Variants in ZFAND3 observed in about 807,000 individuals in gnomAD.
ZFAND3 encodes AN1-type zinc finger protein 3.
In ZFAND3, 10 loss-of-function variants were observed where a neutral mutation model predicts 29.6. That is an observed-to-expected ratio of 0.34 (90% CI 0.21 to 0.57). The LOEUF is 0.57. Among genes scored for constraint, ZFAND3 ranks in the 20% least tolerant of loss-of-function variants. ZFAND3 has a pLI of 0.86. For missense variants in ZFAND3, 230 were observed against 304.5 expected (o/e 0.76, Z 1.82); for synonymous variants, 128 against 112.6 (o/e 1.14, Z -0.87).
At chr6:38,029,760 A>T (rs572423776) in intron 2 of ZFAND3, among the ~76,000 whole-genome samples, 1 of 152,264 alleles carries the variant, frequency 6.6e-6, no homozygotes, top group South Asian at 2.1e-4. Context: ...GTTGGTGAGG[A>T]TGTGAAGTAA....
At position 38,021,743 on chromosome 6, in the gene ZFAND3, T is replaced by C. The variant is rs542401902; in HGVS notation, c.113-39850T>C. 1.8e-4 allele frequency among the ~76,000 whole-genome samples: 28 copies of C among 152,310 alleles called. No homozygotes were observed. In the South Asian group the frequency reaches 3.3e-3, roughly 18 times the overall value. ...AAGGTAAAATAGAGCAGGGCTGCTG[T>C]TATATAACCTTAGATTTCCTGGCTT... On this transcript the variant is annotated intron_variant, in intron 2 of 5. Coordinates refer to ENST00000287218, the MANE Select transcript of ZFAND3 (RefSeq NM_021943.3).
chr6:37,972,631 T>A (rs1237006148), intron 2 of ZFAND3, among the ~76,000 whole-genome samples: 1 of 152,186 alleles, frequency 6.6e-6, no homozygotes, highest in East Asian at 1.9e-4. Context: ...ATTAGCAGAT[T>A]GATAGTTGGA....
intron 1 of ZFAND3, among the ~76,000 whole-genome samples, chr6:37,891,462 T>C (rs1057234025): frequency 2.8e-5 from 4 of 141,792 alleles, no homozygotes; most frequent in African/African-American, 1.1e-4. Context: ...GGTGTGGCAG[T>C]GCATGCCATG....
chr6:38,038,027 T>C (rs537056444), intron 2 of ZFAND3, among the ~76,000 whole-genome samples: 3 of 152,240 alleles, frequency 2.0e-5, no homozygotes, highest in East Asian at 1.9e-4. Context: ...AACAGAGAGA[T>C]TGGAGGGTAA....
chr6:38,150,673 T>C (rs1279139972), intron 5 of ZFAND3, among the ~76,000 whole-genome samples: 2 of 152,244 alleles, frequency 1.3e-5, no homozygotes, highest in South Asian at 2.1e-4. Flanking sequence ...AAGCACAGCC[T>C]CTACATCTCT....
chr6:37,830,405 G>T (rs1436163819), intron 1 of ZFAND3, among the ~76,000 whole-genome samples: 1 of 152,210 alleles, frequency 6.6e-6, no homozygotes, highest in Admixed American at 6.5e-5. Context: ...AAAGGTGGTG[G>T]TTAGGGTGAA....
chr6:38,001,846 G>C (rs1012590818), intron 2 of ZFAND3, among the ~76,000 whole-genome samples: 2 of 152,156 alleles, frequency 1.3e-5, no homozygotes, highest in African/African-American at 4.8e-5. Context: ...GGAGTAAAAA[G>C]TAGTTGCACA....
chr6:38,134,739 C>T (rs180788858), intron 5 of ZFAND3, among the ~76,000 whole-genome samples: 1 of 152,184 alleles, frequency 6.6e-6, no homozygotes, highest in African/African-American at 2.4e-5. Flanking sequence ...CATGACAGCC[C>T]TTACTCCTCA....
intron 1 of ZFAND3, among the ~76,000 whole-genome samples, chr6:37,881,286 A>G (rs1262518486): frequency 6.6e-6 from 1 of 152,146 alleles, no homozygotes; most frequent in East Asian, 1.9e-4. Context: ...GGGTTTCCGT[A>G]TGTTGACCAG....
At chr6:38,046,998 G>A (rs1399692248) in intron 2 of ZFAND3, among the ~76,000 whole-genome samples, 1 of 152,022 alleles carries the variant, frequency 6.6e-6, no homozygotes, top group Non-Finnish European at 1.5e-5. Context: ...TACTGATCTA[G>A]TATTATAATT....
intron 5 of ZFAND3, among the ~76,000 whole-genome samples, chr6:38,138,687 G>A (rs1765890423): frequency 6.6e-6 from 1 of 152,216 alleles, no homozygotes; most frequent in African/African-American, 2.4e-5. Flanking sequence ...TCAGTGTGAG[G>A]AGTAAGGAAA....
intron 2 of ZFAND3, among the ~76,000 whole-genome samples, chr6:37,996,107 C>T (rs960617119): frequency 2.7e-5 from 4 of 150,038 alleles, no homozygotes; most frequent in Admixed American, 6.7e-5. Flanking sequence ...CCAGCCTGGG[C>T]TACAAGAGCG....
chr6:38,064,020 A>G (rs1018634243), intron 3 of ZFAND3, among the ~76,000 whole-genome samples: 2 of 152,174 alleles, frequency 1.3e-5, no homozygotes, highest in Non-Finnish European at 2.9e-5. Flanking sequence ...GTTTTAAAAA[A>G]TCTTTTCAAG....
At chr6:37,820,082 G>A in intron 1 of ZFAND3, 66 bp downstream of exon 1, 1 of 1,160,570 alleles carries the variant, frequency 8.6e-7, no homozygotes, top group South Asian at 4.2e-5. Flanking sequence ...GGCAGCCTGG[G>A]CAGGCCTCGG....
intron 5 of ZFAND3, among the ~76,000 whole-genome samples, chr6:38,123,353 C>T (rs935746396): frequency 6.6e-6 from 1 of 152,182 alleles, no homozygotes; most frequent in South Asian, 2.1e-4. Context: ...GAAATCAGCC[C>T]ACGTGTCTGT....
At chr6:38,028,862 T>G (rs181814585) in intron 2 of ZFAND3, among the ~76,000 whole-genome samples, 9 of 152,302 alleles carry the variant, frequency 5.9e-5, no homozygotes, top group Non-Finnish European at 7.4e-5. Flanking sequence ...CCTTTCTTTG[T>G]GAAGCAAGGC....
intron 2 of ZFAND3, among the ~76,000 whole-genome samples, chr6:38,028,870 G>A (rs1339735045): frequency 6.6e-6 from 1 of 152,080 alleles, no homozygotes; most frequent in African/African-American, 2.4e-5. Context: ...TGTGAAGCAA[G>A]GCATGGTGCA....
chr6:37,847,114 T>C (rs1301185236), intron 1 of ZFAND3, among the ~76,000 whole-genome samples: 1 of 152,264 alleles, frequency 6.6e-6, no homozygotes, highest in African/African-American at 2.4e-5. Context: ...TGTTTATTTC[T>C]GGTGATATAT....
chr6:38,041,859 C>T (rs9380715), intron 2 of ZFAND3, among the ~76,000 whole-genome samples: 4,807 of 74,602 alleles, frequency 0.064, 513 homozygotes, highest in East Asian at 0.21. Flanking sequence ...GACAGAGTCT[C>T]GCTCTGGGCC....
Sources: gnomAD v4.1 joint callset for allele counts (sites outside exome capture counted in the v4.1 genomes callset) on GRCh38, gnomAD v4.1.1 for gene constraint, MANE v1.5 for transcripts, NCBI Gene and HGNC (gene_info 2026-07-23, HGNC 2026-07-21) for gene names.